The following APBB2 variants were observed in gnomAD, a reference collection of about 807,000 sequenced individuals.
The protein encoded by APBB2 is Fe65-like 1.
APBB2 carries 38 observed loss-of-function variants against 82.5 expected under a neutral mutation model. The ratio of observed to expected loss-of-function variants is 0.46; its 90% confidence interval spans 0.36 to 0.60. The LOEUF is 0.60. APBB2 is among the 20% of genes least tolerant of loss of function. The pLI, the probability that APBB2 is intolerant of heterozygous loss-of-function variation, is 0.00. For missense variants in APBB2, 772 were observed against 972.3 expected (o/e 0.79, Z 2.74); for synonymous variants, 341 against 368.2 (o/e 0.93, Z 0.85).
chr4:41,050,202 T>C (rs189684221), intron 4 of APBB2, among the ~76,000 whole-genome samples: 7 of 152,370 alleles, frequency 4.6e-5, no homozygotes, highest in Non-Finnish European at 8.8e-5. Context: ...CAATTTAATA[T>C]AGCACTTAGA....
At chr4:41,142,291 T>C (rs1055126834) in intron 2 of APBB2, among the ~76,000 whole-genome samples, 16 of 152,362 alleles carry the variant, frequency 1.1e-4, no homozygotes, top group African/African-American at 3.8e-4. Flanking sequence ...TATTTCACTT[T>C]ACTGCCTCAT....
At chr4:41,200,663 C>T (rs1180320226) in intron 1 of APBB2, among the ~76,000 whole-genome samples, 1 of 152,102 alleles carries the variant, frequency 6.6e-6, no homozygotes, top group Non-Finnish European at 1.5e-5. Context: ...CAGTTACAGC[C>T]TTTAAAAGTA....
chr4:41,096,624 C>A (rs1273051648), intron 3 of APBB2, among the ~76,000 whole-genome samples: 1 of 152,142 alleles, frequency 6.6e-6, no homozygotes, highest in Admixed American at 6.5e-5. Flanking sequence ...TTTAACTTTC[C>A]TTTTTCCATT....
intron 6 of APBB2, among the ~76,000 whole-genome samples, chr4:40,949,933 G>A (rs1417232706): frequency 1.3e-5 from 2 of 152,176 alleles, no homozygotes; most frequent in Non-Finnish European, 1.5e-5. Context: ...GGTGTGTCAT[G>A]TGCAACAGTC....
At chr4:41,113,316 T>G (rs1044864386) in intron 2 of APBB2, among the ~76,000 whole-genome samples, 7 of 152,216 alleles carry the variant, frequency 4.6e-5, no homozygotes, top group African/African-American at 1.7e-4. Context: ...AGCTCCATAA[T>G]CTTTTCAATG....
intron 2 of APBB2, among the ~76,000 whole-genome samples, chr4:41,135,479 TAATC>T (rs1450249670): frequency 6.6e-6 from 1 of 152,222 alleles, no homozygotes; most frequent in African/African-American, 2.4e-5. Flanking sequence ...GAATAGATAA[TAATC>T]AATTTGGAAA....
rs532713436 is a variant in APBB2, at chr4:41,034,650, A to G, written c.-50-1346T>C. Among the ~76,000 whole-genome samples, 19 of 152,380 alleles carry G rather than the reference A, an allele frequency of 1.2e-4. No individual in the cohort carries two copies. The South Asian group carries it at 3.9e-3, about 32-fold the overall frequency. ...AAAAAGGGTTTTAAGATGCATCACCAAGAGGTGAAGAATATGCATAGCAAA... is the reference window on the plus strand; with the variant it reads ...AAAAAGGGTTTTAAGATGCATCACCGAGAGGTGAAGAATATGCATAGCAAA... On this transcript the variant is annotated intron_variant, in intron 4 of 17. Transcript: ENST00000508593.
chr4:41,049,480 C>T (rs1396185159), intron 4 of APBB2, among the ~76,000 whole-genome samples: 2 of 145,544 alleles, frequency 1.4e-5, no homozygotes, highest in African/African-American at 2.5e-5. Flanking sequence ...AGCCCCCGCC[C>T]GGCCAGCCGC....
At chr4:40,936,735 T>C (rs919411169) in intron 7 of APBB2, among the ~76,000 whole-genome samples, 2 of 152,216 alleles carry the variant, frequency 1.3e-5, no homozygotes, top group Non-Finnish European at 2.9e-5. Context: ...AAAAATAATT[T>C]CTCTTAATGA....
intron 4 of APBB2, among the ~76,000 whole-genome samples, chr4:41,065,292 A>G (rs193202369): frequency 2.6e-5 from 4 of 152,328 alleles, no homozygotes; most frequent in African/African-American, 9.6e-5. Context: ...CTCAAAAAAG[A>G]AAAGAAAAAT....
At chr4:41,115,518 T>C (rs1750685729) in intron 2 of APBB2, among the ~76,000 whole-genome samples, 1 of 152,058 alleles carries the variant, frequency 6.6e-6, no homozygotes, top group Non-Finnish European at 1.5e-5. Flanking sequence ...AGGGAAACTA[T>C]CATCAGAGTG....
At chr4:41,126,917 A>G (rs567083905) in intron 2 of APBB2, among the ~76,000 whole-genome samples, 151 of 152,148 alleles carry the variant, frequency 9.9e-4, no homozygotes, top group African/African-American at 3.2e-3. Flanking sequence ...TATCTTAACT[A>G]CCTCTTTAAA....
intron 10 of APBB2, among the ~76,000 whole-genome samples, chr4:40,900,226 C>T (rs1267382957): frequency 2.0e-5 from 3 of 152,076 alleles, no homozygotes; most frequent in Non-Finnish European, 4.4e-5. Flanking sequence ...TGTGTATTCG[C>T]GATGATAACA....
At chr4:40,912,822 C>T (rs933095770) in intron 10 of APBB2, among the ~76,000 whole-genome samples, 40 of 152,122 alleles carry the variant, frequency 2.6e-4, no homozygotes, top group African/African-American at 9.4e-4. Flanking sequence ...CCAAGAAGCT[C>T]GGCTGGCAGA....
chr4:40,842,577 A>G, intron 12 of APBB2: 1 of 218,552 alleles, frequency 4.6e-6, no homozygotes, highest in South Asian at 5.4e-5. Flanking sequence ...TTTGAGCCAC[A>G]TTATGATGAA....
intron 12 of APBB2, among the ~76,000 whole-genome samples, chr4:40,888,960 T>G (rs1256698694): frequency 6.6e-6 from 1 of 152,280 alleles, no homozygotes; most frequent in African/African-American, 2.4e-5. Context: ...GTTAAATGTT[T>G]TTAATGACGA....
At chr4:41,080,091 G>A (rs534745328) in intron 3 of APBB2, among the ~76,000 whole-genome samples, 26 of 152,252 alleles carry the variant, frequency 1.7e-4, no homozygotes, top group African/African-American at 4.3e-4. Context: ...TCAGAGAGAC[G>A]AGGCAGTTTG....
chr4:40,975,679 T>A (rs571107256), intron 6 of APBB2, among the ~76,000 whole-genome samples: 1 of 151,666 alleles, frequency 6.6e-6, no homozygotes, highest in South Asian at 2.1e-4. Context: ...AAGAGAACCA[T>A]CACGTCATGA....
intron 6 of APBB2, among the ~76,000 whole-genome samples, chr4:40,964,442 A>G (rs539042409): frequency 6.7e-6 from 1 of 150,184 alleles, no homozygotes; most frequent in South Asian, 2.1e-4. Flanking sequence ...ATCAATAAAA[A>G]TAAGATAAAC....
Sources: gnomAD v4.1 joint callset for allele counts (sites outside exome capture counted in the v4.1 genomes callset) on GRCh38, gnomAD v4.1.1 for gene constraint, MANE v1.5 for transcripts, NCBI Gene and HGNC (gene_info 2026-07-23, HGNC 2026-07-21) for gene names.